ADAMTS14: variants seen among roughly 807,000 people sequenced by gnomAD.
ADAMTS14 encodes the protein A disintegrin and metalloproteinase with thrombospondin motifs 14.
ADAMTS14 carries 100 observed loss-of-function variants against 128.6 expected under a neutral mutation model. The ratio of observed to expected loss-of-function variants is 0.78; its 90% CI spans 0.66 to 0.92. The LOEUF (loss-of-function observed/expected upper bound fraction) is 0.92, where lower values mean the gene tolerates loss of function less well. Among genes scored for constraint, ADAMTS14 ranks in the 40% least tolerant of loss-of-function variants. ADAMTS14 has a pLI of 0.00. For missense variants in ADAMTS14, 1,562 were observed against 1,658.6 expected (o/e 0.94, Z 1.01); for synonymous variants, 665 against 653.8 (o/e 1.02, Z -0.26).
intron 3 of ADAMTS14, among the ~76,000 whole-genome samples, chr10:70,702,777 T>C (rs1840536781): frequency 1.3e-5 from 2 of 152,160 alleles, no homozygotes; most frequent in Admixed American, 6.5e-5. Context: ...GAAGGTAGAA[T>C]GCCTGCAGTG....
chr10:70,743,928 C>A (rs1000945366), intron 13 of ADAMTS14, 138 bp from the exon 14 acceptor site: 1 of 1,281,050 alleles, frequency 7.8e-7, no homozygotes, highest in East Asian at 2.6e-5. Flanking sequence ...ACGGTGAATT[C>A]GTGCCAGAAT....
In ADAMTS14 at chr10:70,732,265, G is replaced by T. The variant is rs372189878; in HGVS notation, c.1114G>T (p.Val372Phe). ...QDFGPSGYAP[V>F]TGMCHPLRSC... is the part of the protein sequence containing the mutation. ...TCTCTCTTCGGCAGGGTATGCACCC[G>T]TCACTGGCATGTGTCACCCCCTGAG... Residue 372 changes from valine (V) to phenylalanine (F), a missense_variant, in exon 7 of 22, where the codon GTC becomes TTC. Coordinates refer to ENST00000373207, the MANE Select transcript of ADAMTS14 (RefSeq NM_080722.4). The T allele has an allele frequency of 1.3e-5, 21 of 1,614,094 alleles. No individual in the cohort carries two copies. The Admixed American group carries it at 1.5e-4, about 12-fold the overall frequency.
intron 2 of ADAMTS14, among the ~76,000 whole-genome samples, chr10:70,700,526 A>AG (rs1308028436): frequency 6.6e-6 from 1 of 152,090 alleles, no homozygotes; most frequent in Non-Finnish European, 1.5e-5. Flanking sequence ...CCTGTCTGGG[A>AG]GGAGGGAGGA....
At chr10:70,760,235 T>G in intron 21 of ADAMTS14, 125 bp from the exon 22 acceptor site, 1 of 1,299,242 alleles carries the variant, frequency 7.7e-7, no homozygotes, top group Non-Finnish European at 1.0e-6. Flanking sequence ...GAAAAAGCTT[T>G]ATAGTGGGTC....
At chr10:70,732,997 C>T (rs901593210) in intron 7 of ADAMTS14, among the ~76,000 whole-genome samples, 4 of 152,218 alleles carry the variant, frequency 2.6e-5, no homozygotes, top group Non-Finnish European at 4.4e-5. Context: ...CAAGAGGCTA[C>T]ATGCTGGGTG....
At chr10:70,683,064 C>A (rs75326903) in intron 2 of ADAMTS14, among the ~76,000 whole-genome samples, 2 of 152,230 alleles carry the variant, frequency 1.3e-5, no homozygotes, top group African/African-American at 4.8e-5. Context: ...TGCTGAGGCA[C>A]GCACACTGCC....
At chr10:70,705,234 T>G (rs1443475978) in intron 3 of ADAMTS14, among the ~76,000 whole-genome samples, 1 of 152,188 alleles carries the variant, frequency 6.6e-6, no homozygotes, top group African/African-American at 2.4e-5. Context: ...GGCCCTGCCT[T>G]GGCCCCTGAG....
chr10:70,713,967 G>C (rs1840939174), intron 4 of ADAMTS14, among the ~76,000 whole-genome samples: 1 of 152,182 alleles, frequency 6.6e-6, no homozygotes, highest in Non-Finnish European at 1.5e-5. Context: ...TCCAAGACAG[G>C]AGGATTGCTT....
intron 4 of ADAMTS14, among the ~76,000 whole-genome samples, chr10:70,712,063 G>A (rs1840879157): frequency 6.6e-6 from 1 of 152,176 alleles, no homozygotes; most frequent in Non-Finnish European, 1.5e-5. Context: ...GAGAGAGGGA[G>A]GGGAGGGAGA....
intron 12 of ADAMTS14, among the ~76,000 whole-genome samples, chr10:70,742,421 C>T (rs527263659): frequency 1.8e-4 from 28 of 152,226 alleles, no homozygotes; most frequent in Admixed American, 7.8e-4. Context: ...GGAGCTCCCC[C>T]AGACCCAGGT....
At chr10:70,747,372 G>A (rs1564555414) in intron 15 of ADAMTS14, among the ~76,000 whole-genome samples, 1 of 152,068 alleles carries the variant, frequency 6.6e-6, no homozygotes. Context: ...TCCCTTGCCA[G>A]CCATGCCACT....
intron 15 of ADAMTS14, among the ~76,000 whole-genome samples, chr10:70,745,782 C>G (rs1842161741): frequency 6.6e-6 from 1 of 152,052 alleles, no homozygotes; most frequent in Admixed American, 6.5e-5. Context: ...TCTTCTTGGA[C>G]CAAGTCATGC....
chr10:70,751,885 A>G (rs2132742801), intron 17 of ADAMTS14, among the ~76,000 whole-genome samples: 1 of 152,298 alleles, frequency 6.6e-6, no homozygotes, highest in South Asian at 2.1e-4. Flanking sequence ...CACTGTGGGG[A>G]CAGACAGCTG....
chr10:70,685,561 C>T (rs567466449), intron 2 of ADAMTS14, among the ~76,000 whole-genome samples: 9 of 152,118 alleles, frequency 5.9e-5, no homozygotes, highest in South Asian at 2.1e-4. Flanking sequence ...TAGAGGAAGC[C>T]GAGGCTCAAG....
intron 2 of ADAMTS14, among the ~76,000 whole-genome samples, chr10:70,678,416 T>A (rs892080337): frequency 1.3e-5 from 2 of 151,568 alleles, no homozygotes; most frequent in Admixed American, 6.6e-5. Flanking sequence ...TTGTTTTCTT[T>A]GATGTCAGAG....
chr10:70,716,115 C>T (rs1841031231), intron 4 of ADAMTS14, among the ~76,000 whole-genome samples: 1 of 152,224 alleles, frequency 6.6e-6, no homozygotes, highest in Admixed American at 6.5e-5. Flanking sequence ...GCCTTGGTGA[C>T]TGCTGTTTGG....
intron 3 of ADAMTS14, among the ~76,000 whole-genome samples, chr10:70,704,402 A>G (rs1175262608): frequency 6.6e-6 from 1 of 151,432 alleles, no homozygotes; most frequent in Non-Finnish European, 1.5e-5. Context: ...ACAGACCCAT[A>G]TACCCGCACT....
chr10:70,717,898 C>T (rs1243936499), intron 4 of ADAMTS14, among the ~76,000 whole-genome samples: 1 of 152,192 alleles, frequency 6.6e-6, no homozygotes, highest in Non-Finnish European at 1.5e-5. Flanking sequence ...CTGGCTAGCA[C>T]CTCTGCCAAT....
chr10:70,681,993 C>T lies in ADAMTS14; in HGVS notation c.522+6998C>T, dbSNP rs55784460. Among the ~76,000 whole-genome samples, 1,125 of 152,380 alleles carry T rather than the reference C, an allele frequency of 7.4e-3. 14 individuals carry two copies. Among genetic ancestry groups the T allele is most frequent in the African/African-American group, 0.024 (994 of 41,584 alleles). On this transcript the variant is annotated intron_variant, in intron 2 of 21. Coordinates refer to ENST00000373207, the MANE Select transcript of ADAMTS14 (RefSeq NM_080722.4). ...CCCCTGCCCTGTCCAGGCTGGCCTG[C>T]TCTCGCCTCACTTTTCAGCCCCTTC...
Sources: gnomAD v4.1 joint callset for allele counts (sites outside exome capture counted in the v4.1 genomes callset) on GRCh38, gnomAD v4.1.1 for gene constraint, MANE v1.5 for transcripts, NCBI Gene and HGNC (gene_info 2026-07-23, HGNC 2026-07-21) for gene names.